LRPAP1: variants seen among roughly 807,000 people sequenced by gnomAD.
LRPAP1 encodes LDL receptor related protein associated protein 1, also known as alpha-2-macroglobulin receptor-associated protein.
Under a neutral mutation model 39.9 loss-of-function variants are expected in LRPAP1, and 41 were observed. The ratio of observed to expected loss-of-function variants is 1.03; its 90% CI spans 0.80 to 1.33. The LOEUF (loss-of-function observed/expected upper bound fraction) is 1.33. Among genes scored for constraint, LRPAP1 ranks in the 40% most tolerant of loss-of-function variants. The pLI is 0.00. For missense variants in LRPAP1, 565 were observed against 482.3 expected, an observed-to-expected ratio of 1.17 and a Z score of -1.61; for synonymous variants, 263 against 212.7, an observed-to-expected ratio of 1.24 and a Z score of -2.06.
intron 7 of LRPAP1, 59 bp downstream of exon 7, chr4:3,514,693 C>T (rs1202824027): frequency 7.8e-6 from 12 of 1,532,832 alleles, no homozygotes; most frequent in Middle Eastern, 4.6e-4. Context: ...TGCATGTGGG[C>T]GGCCTCATCT....
At chr4:3,519,856 C>G (rs1458560835) in intron 3 of LRPAP1, among the ~76,000 whole-genome samples, 1 of 152,236 alleles carries the variant, frequency 6.6e-6, no homozygotes, top group Non-Finnish European at 1.5e-5. Flanking sequence ...CCAAACAGAG[C>G]TCCTTTACTC....
chr4:3,530,656 G>C lies in LRPAP1; in HGVS notation c.204+1553C>G, dbSNP rs1730222534. Among the ~76,000 whole-genome samples the C allele has an allele frequency of 2.6e-5, 4 of 152,206 alleles. No individual in the cohort carries two copies. The South Asian group carries it at 8.3e-4, about 32-fold the overall frequency. ...TGGTCAGGCGAGCACCCAGCACCGG[G>C]GGACAGTGCAGGGGCAGCCCGAGGG... On this transcript the variant is annotated intron_variant, in intron 1 of 7. Transcript: ENST00000650182.
At chr4:3,515,295 C>A (rs912992001) in intron 6 of LRPAP1, among the ~76,000 whole-genome samples, 1 of 152,190 alleles carries the variant, frequency 6.6e-6, no homozygotes. Flanking sequence ...TGCTGCTGGA[C>A]TGCAGCTCTG....
intron 6 of LRPAP1, chr4:3,515,735 C>A: frequency 3.7e-6 from 1 of 268,466 alleles, no homozygotes; most frequent in Non-Finnish European, 7.2e-6. Context: ...GTCTCCTTCC[C>A]TCCCTGGGCC....
At chr4:3,529,621 A>T (rs765299881) in intron 1 of LRPAP1, among the ~76,000 whole-genome samples, 1 of 152,170 alleles carries the variant, frequency 6.6e-6, no homozygotes, top group Non-Finnish European at 1.5e-5. Context: ...CCCGCCTGTG[A>T]AAGAGGAACT....
chr4:3,522,625 C>T (rs1407875425), intron 2 of LRPAP1, among the ~76,000 whole-genome samples: 1 of 140,040 alleles, frequency 7.1e-6, no homozygotes, highest in Admixed American at 7.1e-5. Flanking sequence ...CTGGGGAGGA[C>T]AGACGCCGCC....
rs1440535351 is a variant in LRPAP1, at chr4:3,506,821, C to G, written c.*6153G>C. 1 of 152,082 alleles carries G rather than the reference C, an allele frequency of 6.6e-6. No individual in the cohort carries two copies. Among genetic ancestry groups the G allele is most frequent in the Non-Finnish European group, 1.5e-5 (1 of 67,990 alleles). The allele number at this position is 152,082 out of a possible 1,614,324, so 9.4% of individuals were successfully genotyped here. A position where few individuals can be genotyped will look rare whatever the true frequency, so the allele number is the denominator to read the frequency against. ...CATCAAACTGGAAACCTTTGCTTTC[C>G]AAAAGATAACCATTAAGAAAGTAAA... is the stretch of plus-strand genomic sequence containing the variant. On this transcript the variant is annotated 3_prime_UTR_variant, in exon 8 of 8. Coordinates refer to ENST00000650182, the MANE Select transcript of LRPAP1 (RefSeq NM_002337.4).
intron 2 of LRPAP1, among the ~76,000 whole-genome samples, chr4:3,523,153 G>A (rs1729970670): frequency 6.6e-6 from 1 of 152,152 alleles, no homozygotes; most frequent in African/African-American, 2.4e-5. Flanking sequence ...ACACTGCCTG[G>A]CCTGCAGGAG....
intron 2 of LRPAP1, among the ~76,000 whole-genome samples, chr4:3,522,697 C>T (rs1188826998): frequency 9.4e-5 from 11 of 116,932 alleles, no homozygotes; most frequent in Admixed American, 4.8e-4. Context: ...GGAGGACAGA[C>T]GCCGCCCCAC....
At chr4:3,515,446 C>A (rs1729662037) in intron 6 of LRPAP1, among the ~76,000 whole-genome samples, 1 of 152,206 alleles carries the variant, frequency 6.6e-6, no homozygotes, top group South Asian at 2.1e-4. Flanking sequence ...AGCTCCTGAC[C>A]CCTTTCTGGG....
rs1215397933 is a variant in LRPAP1, at chr4:3,525,065, GGA to G, written c.205-16_205-15del. ...AGGAAGATGCAGCTGCGAACGAAGG[GGA>G]GGAGCCTGTGAGCCACGAGCAGGAC... On this transcript the variant is annotated splice_polypyrimidine_tract_variant and intron_variant, in intron 1 of 7. Coordinates refer to ENST00000650182, the MANE Select transcript of LRPAP1 (RefSeq NM_002337.4). The G allele has an allele frequency of 6.2e-7, 1 of 1,613,558 alleles. No individual in the cohort carries two copies. The highest frequency in any genetic ancestry group is 8.5e-7 in the Non-Finnish European group (1 of 1,180,024).
chr4:3,520,291 C>T (rs1337848267), intron 2 of LRPAP1, 98 bp from the exon 3 acceptor site: 1 of 1,314,218 alleles, frequency 7.6e-7, no homozygotes, highest in Non-Finnish European at 1.1e-6. Flanking sequence ...ACAGGTTTGC[C>T]TCTCATTTTC....
At chr4:3,515,672 C>T (rs1239127290) in intron 6 of LRPAP1, among the ~76,000 whole-genome samples, 1 of 152,180 alleles carries the variant, frequency 6.6e-6, no homozygotes, top group Non-Finnish European at 1.5e-5. Flanking sequence ...ATTCTCCACC[C>T]TCAGAATGAT....
rs140067226 is a variant in LRPAP1, at chr4:3,531,002, G to A, written c.204+1207C>T. On this transcript the variant is annotated intron_variant, in intron 1 of 7. Transcript: ENST00000650182. Reference sequence around the variant, plus strand: ...GCACGGGGAGGCAGCACTGCATCCCGGCTGCTCCTGGTCACACCTGTTCCC... The same window carrying A: ...GCACGGGGAGGCAGCACTGCATCCCAGCTGCTCCTGGTCACACCTGTTCCC... 2.0e-5 allele frequency among the ~76,000 whole-genome samples: 3 copies of A among 152,148 alleles called. No individual in the cohort carries two copies. The East Asian group carries it at 5.8e-4, about 29-fold the overall frequency.
intron 3 of LRPAP1, 112 bp downstream of exon 3, chr4:3,519,960 T>C: frequency 7.4e-7 from 1 of 1,357,584 alleles, no homozygotes; most frequent in South Asian, 1.5e-5. Context: ...TTCCTGAGAC[T>C]TTCCCAAACC....
rs138080464 is a variant in LRPAP1 at position 3,520,110 on chromosome 4, C to T, written c.433G>A (p.Gly145Arg). The T allele has an allele frequency of 3.0e-4, 481 of 1,614,184 alleles. No homozygotes were observed. Among genetic ancestry groups the T allele is most frequent in the Middle Eastern group, 1.2e-3 (7 of 6,056 alleles). ...SNSLSGTQEDGLDDPRLEKLW... is the reference protein window; with the variant it reads ...SNSLSGTQEDRLDDPRLEKLW... The stretch of plus-strand genomic sequence containing the variant: ...TTTTCCAGCCTGGGGTCATCCAGCC[C>T]GTCTTCCTGGGTGCCACTGAGGGAG... The change falls in exon 3 of 8, where the codon GGG becomes AGG. Residue 145 changes from glycine to arginine, a missense_variant. Coordinates refer to ENST00000650182, the MANE Select transcript of LRPAP1 (RefSeq NM_002337.4).
At chr4:3,523,720 G>A (rs1292040854) in intron 2 of LRPAP1, among the ~76,000 whole-genome samples, 2 of 152,106 alleles carry the variant, frequency 1.3e-5, no homozygotes, top group Non-Finnish European at 2.9e-5. Context: ...CTTTACCAGA[G>A]ACAACCCGGG....
intron 1 of LRPAP1, among the ~76,000 whole-genome samples, chr4:3,530,660 C>A (rs568471720): frequency 1.3e-5 from 2 of 152,304 alleles, no homozygotes; most frequent in South Asian, 2.1e-4. Flanking sequence ...CACCGGGGGA[C>A]AGTGCAGGGG....
chr4:3,518,481 C>G (rs891776254), intron 4 of LRPAP1, among the ~76,000 whole-genome samples: 12 of 152,214 alleles, frequency 7.9e-5, no homozygotes, highest in Non-Finnish European at 1.5e-4. Flanking sequence ...CCTGCCCCCT[C>G]TCTGCTGGGT....
Sources: allele counts gnomAD v4.1 joint callset (sites outside exome capture counted in the v4.1 genomes callset), GRCh38; gene constraint gnomAD v4.1.1; transcripts MANE v1.5; gene names NCBI Gene and HGNC (gene_info 2026-07-23, HGNC 2026-07-21).